Variants in ATP8A2 observed in about 807,000 individuals in gnomAD.
ATP8A2 encodes phospholipid-transporting ATPase IB.
Under a neutral mutation model 165.6 loss-of-function variants are expected in ATP8A2, and 100 were observed. The observed-to-expected ratio is 0.60, with a 90% CI of 0.51 to 0.71. The LOEUF (loss-of-function observed/expected upper bound fraction) is 0.71, where lower values mean the gene tolerates loss of function less well. Among genes scored for constraint, ATP8A2 ranks in the 30% least tolerant of loss-of-function variants. The probability of loss-of-function intolerance (pLI) is 0.00; values close to 1 mark genes in which losing one functional copy is unlikely to be tolerated. For missense variants in ATP8A2, 1,227 were observed against 1,479.5 expected, an observed-to-expected ratio of 0.83 and a Z score of 2.80; for synonymous variants, 543 against 548.8, an observed-to-expected ratio of 0.99 and a Z score of 0.15.
At chr13:25,627,533 C>T (rs758201519) in intron 24 of ATP8A2, among the ~76,000 whole-genome samples, 6 of 152,150 alleles carry the variant, frequency 3.9e-5, no homozygotes, top group Non-Finnish European at 5.9e-5. Context: ...CCTGATCTCT[C>T]TCTCCACCAT....
At chr13:26,006,292 C>A (rs1956734766) in intron 35 of ATP8A2, among the ~76,000 whole-genome samples, 2 of 151,666 alleles carry the variant, frequency 1.3e-5, no homozygotes, top group African/African-American at 4.8e-5. Flanking sequence ...GGATTGTTTT[C>A]TTAATTTTCT....
At chr13:25,526,496 C>T (rs2037845523) in intron 2 of ATP8A2, among the ~76,000 whole-genome samples, 1 of 152,118 alleles carries the variant, frequency 6.6e-6, no homozygotes, top group Admixed American at 6.6e-5. Flanking sequence ...TCTTTCTTTT[C>T]CCATTAGGTC....
At chr13:25,731,297 A>AAAG (rs1491329664) in intron 25 of ATP8A2, among the ~76,000 whole-genome samples, 34 of 149,948 alleles carry the variant, frequency 2.3e-4, no homozygotes, top group Admixed American at 3.3e-4. Context: ...AGAGAGAGAG[A>AAAG]AAGAAAGAAA....
In ATP8A2 at chr13:25,532,120, A is replaced by C. The variant is rs1382050018; in HGVS notation, c.421-152A>C. On this transcript the variant is annotated intron_variant, in intron 4 of 36. Coordinates refer to ENST00000381655, the MANE Select transcript of ATP8A2 (RefSeq NM_016529.6). ...TTCTAAACTTAGGGAGTGCTGATAG[A>C]TCACAAAATTGTCTAACTGAATTTT... 4.5e-6 allele frequency: 3 copies of C among 671,894 alleles called. No homozygotes were observed. The African/African-American group carries it at 5.6e-5, about 12-fold the overall frequency. 41.6% of individuals were successfully genotyped at this position (671,894 alleles called of 1,614,324 possible). A position where few individuals can be genotyped will look rare whatever the true frequency, so the allele number is the denominator to read the frequency against.
intron 33 of ATP8A2, among the ~76,000 whole-genome samples, chr13:25,945,744 C>T (rs1250340887): frequency 6.6e-6 from 1 of 152,250 alleles, no homozygotes; most frequent in South Asian, 2.1e-4. Flanking sequence ...AAGGGGTCCC[C>T]GGATTTTTCT....
intron 2 of ATP8A2, among the ~76,000 whole-genome samples, chr13:25,512,253 A>G (rs2037252581): frequency 6.6e-6 from 1 of 152,356 alleles, no homozygotes; most frequent in African/African-American, 2.4e-5. Flanking sequence ...TTCTTAGTAC[A>G]GAACAAAAAG....
intron 1 of ATP8A2, among the ~76,000 whole-genome samples, chr13:25,406,525 A>G (rs755745031): frequency 6.6e-6 from 1 of 152,192 alleles, no homozygotes; most frequent in Non-Finnish European, 1.5e-5. Context: ...ATGCTCTCAT[A>G]GGACTATGCA....
At chr13:25,513,839 C>A (rs950633652) in intron 2 of ATP8A2, among the ~76,000 whole-genome samples, 2 of 152,310 alleles carry the variant, frequency 1.3e-5, no homozygotes, top group South Asian at 4.1e-4. Context: ...CGCCTGCAAT[C>A]GCAGGCACTT....
At chr13:25,685,753 T>C (rs980657220) in intron 24 of ATP8A2, among the ~76,000 whole-genome samples, 7 of 152,146 alleles carry the variant, frequency 4.6e-5, no homozygotes, top group South Asian at 2.1e-4. Flanking sequence ...TCGCTGGCCA[T>C]CAGAAGGCAC....
chr13:25,806,353 T>G (rs1253748837), intron 27 of ATP8A2, among the ~76,000 whole-genome samples: 5 of 152,014 alleles, frequency 3.3e-5, no homozygotes, highest in African/African-American at 1.2e-4. Flanking sequence ...CCCTCTGGCT[T>G]CAAAAGGCCA....
At chr13:25,434,423 A>G (rs2034699531) in intron 1 of ATP8A2, among the ~76,000 whole-genome samples, 1 of 151,772 alleles carries the variant, frequency 6.6e-6, no homozygotes, top group South Asian at 2.1e-4. Flanking sequence ...ATCTTGGCTC[A>G]CTGCAACCTC....
rs1384406977 is a variant in ATP8A2 at position 26,012,560 on chromosome 13, G to A, written c.3407G>A (p.Arg1136Lys). 1.3e-6 allele frequency: 2 copies of A among 1,536,054 alleles called. No homozygotes were observed. The highest frequency in any genetic ancestry group is 1.2e-5 in the South Asian group (1 of 81,426). The change falls in exon 36 of 37, where the codon AGG (arginine) becomes AAG (lysine). Residue 1136 changes from arginine (R) to lysine (K), a missense_variant. Arg to Lys is a conservative substitution (Grantham distance 26). Transcript: ENST00000381655. ...AACGAGCGCGACCGCCTGATCAAGAGGCTGGGCCGGAAGACGCCCCCGACG... is the reference window on the plus strand; with the variant it reads ...AACGAGCGCGACCGCCTGATCAAGAAGCTGGGCCGGAAGACGCCCCCGACG... ...RLNERDRLIK[R>K]LGRKTPPTLF...
chr13:25,740,410 A>G (rs978651454), intron 25 of ATP8A2, among the ~76,000 whole-genome samples: 8 of 152,126 alleles, frequency 5.3e-5, no homozygotes, highest in African/African-American at 1.9e-4. Context: ...TTTAAGAGAT[A>G]AGGAGATGGT....
intron 1 of ATP8A2, among the ~76,000 whole-genome samples, chr13:25,375,823 G>A (rs1420409241): frequency 6.6e-6 from 1 of 151,956 alleles, no homozygotes; most frequent in Admixed American, 6.6e-5. Flanking sequence ...CACCCACCTC[G>A]ACCTCCCTAA....
intron 35 of ATP8A2, among the ~76,000 whole-genome samples, chr13:26,003,963 C>CT (rs1956687866): frequency 6.6e-6 from 1 of 152,182 alleles, no homozygotes; most frequent in East Asian, 1.9e-4. Context: ...ATGCCTTCAG[C>CT]CTTTTTCTTA....
intron 33 of ATP8A2, among the ~76,000 whole-genome samples, chr13:25,910,105 C>G (rs1346930172): frequency 1.3e-5 from 2 of 152,192 alleles, no homozygotes; most frequent in Non-Finnish European, 1.5e-5. Context: ...AAAAGGGATG[C>G]ACAAGTTTCT....
intron 7 of ATP8A2, among the ~76,000 whole-genome samples, chr13:25,539,303 T>C (rs991920355): frequency 6.6e-6 from 1 of 152,028 alleles, no homozygotes; most frequent in African/African-American, 2.4e-5. Flanking sequence ...TTTTAAAAAT[T>C]TTTTGTAGAT....
intron 25 of ATP8A2, among the ~76,000 whole-genome samples, chr13:25,739,004 G>A (rs2043848624): frequency 6.6e-6 from 1 of 152,244 alleles, no homozygotes; most frequent in African/African-American, 2.4e-5. Context: ...GTTGATGAGT[G>A]TGGGTGGGAG....
At chr13:25,708,806 A>G (rs1396527792) in intron 25 of ATP8A2, among the ~76,000 whole-genome samples, 3 of 152,184 alleles carry the variant, frequency 2.0e-5, no homozygotes, top group Non-Finnish European at 2.9e-5. Context: ...CTTTTTTAAT[A>G]TTTAGTCTTA....
Sources: allele counts gnomAD v4.1 joint callset (sites outside exome capture counted in the v4.1 genomes callset), GRCh38; gene constraint gnomAD v4.1.1; transcripts MANE v1.5; gene names NCBI Gene and HGNC (gene_info 2026-07-23, HGNC 2026-07-21).